The following PTPRD variants were observed in gnomAD, a reference collection of about 807,000 sequenced individuals.
PTPRD encodes the protein receptor-type tyrosine-protein phosphatase delta.
PTPRD carries 34 observed loss-of-function variants against 214.5 expected under a neutral mutation model. That is an observed-to-expected ratio of 0.16 (90% CI 0.12 to 0.21). The LOEUF (loss-of-function observed/expected upper bound fraction) is 0.21. Ranked by LOEUF, PTPRD falls within the 10% of genes least tolerant of loss-of-function variation. PTPRD has a pLI of 1.00. For synonymous variants in PTPRD, 1,128 were observed against 845.7 expected, an observed-to-expected ratio of 1.33 and a Z score of -5.79; for missense variants, 2,545 against 2,398.7, an observed-to-expected ratio of 1.06 and a Z score of -1.27.
chr9:10,051,565 G>A (rs1047256942), intron 3 of PTPRD, among the ~76,000 whole-genome samples: 5 of 151,668 alleles, frequency 3.3e-5, no homozygotes, highest in African/African-American at 7.3e-5. Flanking sequence ...TCGTCATTTA[G>A]CATTAGGTAT....
intron 7 of PTPRD, among the ~76,000 whole-genome samples, chr9:9,700,735 T>C (rs912020633): frequency 2.0e-5 from 3 of 151,808 alleles, no homozygotes; most frequent in Non-Finnish European, 2.9e-5. Context: ...TATTATAAAA[T>C]GGTCTTGTTT....
intron 8 of PTPRD, among the ~76,000 whole-genome samples, chr9:9,519,051 C>A (rs1303725702): frequency 1.3e-5 from 2 of 151,528 alleles, no homozygotes; most frequent in Admixed American, 1.3e-4. Flanking sequence ...TATAAATAGA[C>A]CAAAAACAAT....
intron 10 of PTPRD, among the ~76,000 whole-genome samples, chr9:9,081,667 A>T: frequency 6.6e-6 from 1 of 151,962 alleles, no homozygotes; most frequent in East Asian, 1.9e-4. Flanking sequence ...TGCTTTATGA[A>T]TCTGGGTGCT....
intron 11 of PTPRD, among the ~76,000 whole-genome samples, chr9:8,751,865 C>T (rs181790904): frequency 6.6e-6 from 1 of 152,052 alleles, no homozygotes; most frequent in Admixed American, 6.5e-5. Context: ...GGTGTAGAAC[C>T]TGACACACAC....
chr9:8,839,522 A>G (rs927452520), intron 11 of PTPRD, among the ~76,000 whole-genome samples: 12 of 152,164 alleles, frequency 7.9e-5, no homozygotes, highest in South Asian at 2.1e-4. Flanking sequence ...ATGAGGTTTC[A>G]TCATGTTGGC....
chr9:10,367,079 TA>T (rs145427017), intron 2 of PTPRD, among the ~76,000 whole-genome samples: 38,524 of 132,986 alleles, frequency 0.29, 5,821 homozygotes, highest in East Asian at 0.64. Flanking sequence ...CAGACAAACA[TA>T]AAAAAAAAAA....
At chr9:8,524,105 T>G (rs1424133335) in intron 18 of PTPRD, among the ~76,000 whole-genome samples, 4 of 152,034 alleles carry the variant, frequency 2.6e-5, no homozygotes, top group African/African-American at 9.7e-5. Context: ...GAACTGGCTT[T>G]GAGAACTCTC....
chr9:10,584,908 A>G lies in PTPRD; in HGVS notation c.-600+27490T>C, dbSNP rs894847779. ...CACTAAAGCAACATTCATATGTTAG[A>G]TGCACCTTTAAACCATCACCCAAAC... On this transcript the variant is annotated intron_variant, in intron 2 of 45. Coordinates refer to ENST00000381196, the MANE Select transcript of PTPRD (RefSeq NM_002839.4). Among the ~76,000 whole-genome samples, 5 of 152,142 alleles carry G rather than the reference A, an allele frequency of 3.3e-5. No individual in the cohort carries two copies. In the South Asian group the frequency reaches 1.0e-3, roughly 31 times the overall value.
intron 10 of PTPRD, among the ~76,000 whole-genome samples, chr9:9,113,582 T>C (rs2099809159): frequency 6.6e-6 from 1 of 152,084 alleles, no homozygotes; most frequent in Admixed American, 6.6e-5. Flanking sequence ...AGTGGTGACA[T>C]CTAGAACTCC....
chr9:9,665,686 C>CTAT (rs1381729914), intron 7 of PTPRD, among the ~76,000 whole-genome samples: 1 of 151,678 alleles, frequency 6.6e-6, no homozygotes, highest in Non-Finnish European at 1.5e-5. Flanking sequence ...CAGAATAGTT[C>CTAT]TATTTGAATT....
chr9:9,845,165 A>AAT (rs34892220), intron 5 of PTPRD, among the ~76,000 whole-genome samples: 3 of 5,542 alleles, frequency 5.4e-4, no homozygotes, highest in African/African-American at 1.2e-3. Context: ...TATATAGAGC[A>AAT]ATATATATAT....
chr9:10,373,820 G>A (rs562080819), intron 2 of PTPRD, among the ~76,000 whole-genome samples: 1 of 152,106 alleles, frequency 6.6e-6, no homozygotes, highest in East Asian at 1.9e-4. Context: ...TCAACAATTA[G>A]CTGGAGCTTA....
intron 39 of PTPRD, among the ~76,000 whole-genome samples, chr9:8,345,081 C>T (rs1856296568): frequency 6.6e-6 from 1 of 151,918 alleles, no homozygotes; most frequent in Non-Finnish European, 1.5e-5. Context: ...CGTCTACTCT[C>T]TCAAGCTGCT....
chr9:8,449,672 T>G (rs1214499188), intron 34 of PTPRD, 53 bp downstream of exon 34: 1 of 1,504,702 alleles, frequency 6.6e-7, no homozygotes, highest in Admixed American at 1.7e-5. Context: ...TCAATTGAGC[T>G]GTACAACTTC....
intron 3 of PTPRD, among the ~76,000 whole-genome samples, chr9:10,037,762 C>A (rs1462407090): frequency 1.3e-5 from 2 of 152,040 alleles, no homozygotes; most frequent in African/African-American, 4.8e-5. Flanking sequence ...GTTTTGTTAA[C>A]CTGCAACTTT....
At chr9:9,818,060 G>A (rs1347283584) in intron 5 of PTPRD, among the ~76,000 whole-genome samples, 1 of 152,234 alleles carries the variant, frequency 6.6e-6, no homozygotes, top group South Asian at 2.1e-4. Context: ...CTCTCACAGT[G>A]GCTTATGTTT....
At chr9:10,388,934 T>C (rs2097990148) in intron 2 of PTPRD, among the ~76,000 whole-genome samples, 1 of 151,826 alleles carries the variant, frequency 6.6e-6, no homozygotes, top group African/African-American at 2.4e-5. Flanking sequence ...GTGTTAAACA[T>C]CAAATGAAAT....
intron 12 of PTPRD, among the ~76,000 whole-genome samples, chr9:8,655,692 A>G (rs1307601593): frequency 6.6e-6 from 1 of 151,408 alleles, no homozygotes; most frequent in Non-Finnish European, 1.5e-5. Flanking sequence ...CAATCTTTCT[A>G]TTTTTTATAT....
At chr9:9,822,556 A>C (rs1278377748) in intron 5 of PTPRD, among the ~76,000 whole-genome samples, 1 of 149,324 alleles carries the variant, frequency 6.7e-6, no homozygotes, top group Non-Finnish European at 1.5e-5. Context: ...AACTACAAAT[A>C]GTATCATATC....
Sources: allele counts gnomAD v4.1 joint callset (sites outside exome capture counted in the v4.1 genomes callset), GRCh38; gene constraint gnomAD v4.1.1; transcripts MANE v1.5; gene names NCBI Gene and HGNC (gene_info 2026-07-23, HGNC 2026-07-21).